TADA2A: variants seen among roughly 807,000 people sequenced by gnomAD.
The protein encoded by TADA2A is transcriptional adaptor 2A, also known as transcriptional adapter 2-alpha.
In TADA2A, 38 loss-of-function variants were observed where a neutral mutation model predicts 67.4. The observed-to-expected ratio is 0.56, with a 90% CI of 0.44 to 0.74. The LOEUF is 0.74. Among genes scored for constraint, TADA2A ranks in the 30% least tolerant of loss-of-function variants. The pLI, the probability that TADA2A is intolerant of heterozygous loss-of-function variation, is 0.00. For synonymous variants in TADA2A, 192 were observed against 181.6 expected, an observed-to-expected ratio of 1.06 and a Z score of -0.46; for missense variants, 454 against 547.0, an observed-to-expected ratio of 0.83 and a Z score of 1.70.
intron 2 of TADA2A, among the ~76,000 whole-genome samples, chr17:37,422,438 C>T (rs1364317968): frequency 5.3e-5 from 8 of 151,370 alleles, no homozygotes; most frequent in Non-Finnish European, 8.8e-5. Flanking sequence ...GCCTCAGCCT[C>T]CCAAAGTGCT....
At chr17:37,429,284 CA>C (rs1265358682) in intron 4 of TADA2A, among the ~76,000 whole-genome samples, 3 of 152,050 alleles carry the variant, frequency 2.0e-5, no homozygotes, top group African/African-American at 7.2e-5. Flanking sequence ...TTGGGCCTAT[CA>C]GGGTAATCCA....
intron 2 of TADA2A, among the ~76,000 whole-genome samples, chr17:37,422,721 C>G (rs1389738464): frequency 6.6e-6 from 1 of 151,980 alleles, no homozygotes; most frequent in Non-Finnish European, 1.5e-5. Flanking sequence ...AGGCTGGTCT[C>G]AAACTTCTGG....
At chr17:37,476,114 G>T (rs1445034836) in intron 15 of TADA2A, among the ~76,000 whole-genome samples, 1 of 152,174 alleles carries the variant, frequency 6.6e-6, no homozygotes, top group Non-Finnish European at 1.5e-5. Flanking sequence ...AATGTATGTA[G>T]TATCTATGTA....
intron 12 of TADA2A, among the ~76,000 whole-genome samples, chr17:37,469,156 C>T (rs983976440): frequency 2.6e-5 from 4 of 151,708 alleles, no homozygotes; most frequent in African/African-American, 7.3e-5. Context: ...ATCCACCCAC[C>T]TCAGCCTCCC....
rs2052430684 is a variant in TADA2A, at chr17:37,427,018, G to A, written c.192+9G>A. ...ATACTTATGAAATAATGGTAATGAT[G>A]AAGTTGCTGGGAATTTCTGTTCACT... is the stretch of plus-strand genomic sequence containing the variant. On this transcript the variant is annotated intron_variant, in intron 4 of 15. Transcript: ENST00000615182. 1 of 1,569,968 alleles carries A rather than the reference G, an allele frequency of 6.4e-7. No homozygotes were observed. Among genetic ancestry groups the A allele is most frequent in the Non-Finnish European group, 8.6e-7 (1 of 1,156,914 alleles).
intron 2 of TADA2A, among the ~76,000 whole-genome samples, chr17:37,418,959 A>G (rs1476552742): frequency 6.9e-6 from 1 of 145,142 alleles, no homozygotes; most frequent in Non-Finnish European, 1.5e-5. Flanking sequence ...TTGACTTCCT[A>G]AGCTGAAGCG....
At chr17:37,429,617 T>C (rs920858728) in intron 4 of TADA2A, among the ~76,000 whole-genome samples, 2 of 152,134 alleles carry the variant, frequency 1.3e-5, no homozygotes, top group African/African-American at 4.8e-5. Flanking sequence ...CCTACAGCAC[T>C]GCAGTATATT....
chr17:37,457,542 G>C (rs1352167589), intron 8 of TADA2A, among the ~76,000 whole-genome samples: 1 of 137,400 alleles, frequency 7.3e-6, no homozygotes, highest in Non-Finnish European at 1.5e-5. Flanking sequence ...TGTTGCCCCA[G>C]GCTGGAGTGT....
rs1046006991 is a variant in TADA2A at position 37,432,925 on chromosome 17, ATTTTTTTTT to A, written c.193-4794_193-4786del. On this transcript the variant is annotated intron_variant, in intron 4 of 15. Coordinates refer to ENST00000615182, the MANE Select transcript of TADA2A (RefSeq NM_001166105.3). ...TGCAGTGTGGTATTGTGGTATTACA[ATTTTTTTTT>A]TTTTTTTTTTTTTTTTTTACTTTTT... Among the ~76,000 whole-genome samples, 4 of 52,208 alleles carry A rather than the reference ATTTTTTTTT, an allele frequency of 7.7e-5. No homozygotes were observed. The Admixed American group carries it at 8.7e-4, about 11-fold the overall frequency. 34.3% of individuals were successfully genotyped at this position (52,208 alleles called of 152,430 possible). A position where few individuals can be genotyped will look rare whatever the true frequency, so the allele number is the denominator to read the frequency against.
At chr17:37,474,734 C>A in intron 15 of TADA2A, 105 bp downstream of exon 15, 1 of 1,225,646 alleles carries the variant, frequency 8.2e-7, no homozygotes. Context: ...TTTCATTCAT[C>A]TAACATATAT....
chr17:37,469,061 C>T (rs947693963), intron 12 of TADA2A, among the ~76,000 whole-genome samples: 6 of 151,694 alleles, frequency 4.0e-5, no homozygotes, highest in Middle Eastern at 3.2e-3. Flanking sequence ...CCACCATACC[C>T]GGCTAATTTT....
At chr17:37,457,688 G>C (rs1335559282) in intron 8 of TADA2A, among the ~76,000 whole-genome samples, 1 of 151,186 alleles carries the variant, frequency 6.6e-6, no homozygotes, top group African/African-American at 2.4e-5. Context: ...TAGAGATGGG[G>C]TTTCACCGTG....
chr17:37,415,745 G>A (rs564854792), intron 2 of TADA2A, among the ~76,000 whole-genome samples: 3 of 151,882 alleles, frequency 2.0e-5, no homozygotes, highest in South Asian at 2.1e-4. Flanking sequence ...TTGGTGGTAC[G>A]TGCCTGTAAT....
intron 5 of TADA2A, among the ~76,000 whole-genome samples, chr17:37,439,278 T>TTTA (rs879518977): frequency 5.0e-4 from 76 of 151,696 alleles, no homozygotes; most frequent in South Asian, 8.4e-4. Context: ...ATTTTTAAAT[T>TTTA]TTATTATTAT....
chr17:37,418,863 A>G (rs1055750814), intron 2 of TADA2A, among the ~76,000 whole-genome samples: 1 of 151,570 alleles, frequency 6.6e-6, no homozygotes, highest in Non-Finnish European at 1.5e-5. Context: ...TGCTGGGATT[A>G]CAGGTATGAG....
intron 9 of TADA2A, among the ~76,000 whole-genome samples, chr17:37,461,275 C>T (rs943135053): frequency 9.2e-5 from 14 of 152,128 alleles, no homozygotes; most frequent in Non-Finnish European, 1.6e-4. Context: ...AGAGTTCAGA[C>T]GGTAAAGCTG....
At chr17:37,457,613 C>T (rs1005701753) in intron 8 of TADA2A, among the ~76,000 whole-genome samples, 1 of 150,728 alleles carries the variant, frequency 6.6e-6, no homozygotes, top group African/African-American at 2.4e-5. Flanking sequence ...TCTCCCACCT[C>T]AGCCTCCCGA....
At chr17:37,439,732 A>G (rs2052840730) in intron 5 of TADA2A, among the ~76,000 whole-genome samples, 1 of 152,164 alleles carries the variant, frequency 6.6e-6, no homozygotes, top group Non-Finnish European at 1.5e-5. Context: ...GGCATCTCAT[A>G]GCAGCTCTAG....
intron 1 of TADA2A, among the ~76,000 whole-genome samples, chr17:37,410,095 A>G (rs1405095273): frequency 1.3e-5 from 2 of 152,102 alleles, no homozygotes; most frequent in Non-Finnish European, 2.9e-5. Flanking sequence ...CAAGAATCAA[A>G]AATGAGAACC....
Sources: allele counts gnomAD v4.1 joint callset (sites outside exome capture counted in the v4.1 genomes callset), GRCh38; gene constraint gnomAD v4.1.1; transcripts MANE v1.5; gene names NCBI Gene and HGNC (gene_info 2026-07-23, HGNC 2026-07-21).